DNAJB6: variants seen among roughly 807,000 people sequenced by gnomAD.
DNAJB6 encodes dnaJ homolog subfamily B member 6.
In DNAJB6, 16 loss-of-function variants were observed where a neutral mutation model predicts 42.7. That is an observed-to-expected ratio of 0.37 (90% confidence interval 0.25 to 0.57). DNAJB6 has a LOEUF of 0.57. DNAJB6 is among the 20% of genes least tolerant of loss of function. The pLI, the probability that DNAJB6 is intolerant of heterozygous loss-of-function variation, is 0.74. For missense variants in DNAJB6, 347 were observed against 416.8 expected (o/e 0.83, Z 1.46); for synonymous variants, 170 against 163.5 (o/e 1.04, Z -0.30).
chr7:157,347,334 A>G (rs1798738981), intron 1 of DNAJB6, among the ~76,000 whole-genome samples: 1 of 152,196 alleles, frequency 6.6e-6, no homozygotes, highest in Non-Finnish European at 1.5e-5. Flanking sequence ...GCATAGTGCC[A>G]CGATACAGGC....
At chr7:157,365,661 G>GA (rs869111392) in intron 3 of DNAJB6, among the ~76,000 whole-genome samples, 8 of 152,124 alleles carry the variant, frequency 5.3e-5, no homozygotes, top group Non-Finnish European at 1.0e-4. Context: ...ATGGAATAAA[G>GA]AAAAAAATTT....
chr7:157,408,622 C>G (rs1006592246), intron 8 of DNAJB6, among the ~76,000 whole-genome samples: 1 of 152,218 alleles, frequency 6.6e-6, no homozygotes, highest in East Asian at 1.9e-4. Flanking sequence ...TTCCTGACCT[C>G]GGAGCCCGTT....
chr7:157,396,204 CT>C (rs537614388), intron 8 of DNAJB6, among the ~76,000 whole-genome samples: 139 of 152,290 alleles, frequency 9.1e-4, no homozygotes, highest in African/African-American at 3.2e-3. Flanking sequence ...CCGCTTCAGC[CT>C]CCCAAAGTGC....
At position 157,385,567 on chromosome 7, in the gene DNAJB6, T is replaced by C; in HGVS notation, c.647T>C (p.Val216Ala). 1 of 1,613,560 alleles carries C rather than the reference T, an allele frequency of 6.2e-7. No homozygotes were observed. Among genetic ancestry groups the C allele is most frequent in the Non-Finnish European group, 8.5e-7 (1 of 1,179,792 alleles). ...KRIVENGQERVEVEEDGQLKS... is the reference protein window; with the variant it reads ...KRIVENGQERAEVEEDGQLKS... ...ATTGTCGAGAACGGTCAAGAAAGAG[T>C]AGAAGTTGAAGAAGATGGCCAGTTA... Residue 216 changes from valine to alanine, a missense_variant, in exon 8 of 10, where the codon GTA becomes GCA. Physicochemically the swap from Val to Ala is moderately conservative, Grantham distance 64. Transcript: ENST00000262177.
At chr7:157,409,164 A>G (rs1029623575) in intron 8 of DNAJB6, among the ~76,000 whole-genome samples, 1 of 152,096 alleles carries the variant, frequency 6.6e-6, no homozygotes, top group African/African-American at 2.4e-5. Context: ...TGGCCTTCCA[A>G]TGACTTTTTC....
chr7:157,362,408 C>G (rs1201541359), intron 2 of DNAJB6, among the ~76,000 whole-genome samples: 3 of 152,092 alleles, frequency 2.0e-5, no homozygotes, highest in Non-Finnish European at 4.4e-5. Flanking sequence ...GAGTTTCGCT[C>G]TTGTTGCCCA....
chr7:157,341,424 A>G (rs1347581737), intron 1 of DNAJB6, among the ~76,000 whole-genome samples: 3 of 152,272 alleles, frequency 2.0e-5, no homozygotes, highest in South Asian at 2.1e-4. Flanking sequence ...GCGCCAGGCC[A>G]TATTTTAGAA....
chr7:157,345,441 C>T (rs1031616896), intron 1 of DNAJB6, among the ~76,000 whole-genome samples: 1 of 152,042 alleles, frequency 6.6e-6, no homozygotes, highest in Non-Finnish European at 1.5e-5. Flanking sequence ...CAGCCTCCTG[C>T]ATAGCTGGGA....
intron 6 of DNAJB6, among the ~76,000 whole-genome samples, chr7:157,383,647 G>A (rs1800904825): frequency 6.6e-6 from 1 of 151,054 alleles, no homozygotes; most frequent in African/African-American, 2.4e-5. Flanking sequence ...GTGTGTGGTG[G>A]GGGTGTAAGC....
chr7:157,337,468 C>T (rs1798103003), intron 1 of DNAJB6: 1 of 152,446 alleles, frequency 6.6e-6, no homozygotes. Flanking sequence ...GAGCGGCCGG[C>T]TGGGGCTCGG....
intron 1 of DNAJB6, among the ~76,000 whole-genome samples, chr7:157,342,016 G>A (rs538525198): frequency 2.0e-5 from 3 of 151,756 alleles, no homozygotes; most frequent in Non-Finnish European, 4.4e-5. Context: ...ACAGGCGTTC[G>A]CCACTACACC....
chr7:157,375,838 GGGC>G (rs1278099243), intron 5 of DNAJB6, among the ~76,000 whole-genome samples: 5 of 152,186 alleles, frequency 3.3e-5, no homozygotes, highest in Non-Finnish European at 5.9e-5. Context: ...TCCCTTTTGA[GGGC>G]GGCTGTCTAG....
At chr7:157,353,467 C>T (rs1389534695) in intron 1 of DNAJB6, among the ~76,000 whole-genome samples, 1 of 152,080 alleles carries the variant, frequency 6.6e-6, no homozygotes, top group African/African-American at 2.4e-5. Context: ...TCATATTCCA[C>T]CTGTTTTTCT....
At chr7:157,358,517 TC>T in intron 1 of DNAJB6, 29 bp from the exon 2 acceptor site, 1 of 1,473,798 alleles carries the variant, frequency 6.8e-7, no homozygotes. Flanking sequence ...CCCAGCAGCC[TC>T]ATCACTGACC....
At chr7:157,372,049 A>G (rs1800236178) in intron 5 of DNAJB6, 1 of 152,380 alleles carries the variant, frequency 6.6e-6, no homozygotes, top group East Asian at 1.9e-4. Flanking sequence ...CAAGGAAAGC[A>G]GACTTCTTGC....
chr7:157,376,437 T>C (rs949062468), intron 5 of DNAJB6, among the ~76,000 whole-genome samples: 1 of 152,156 alleles, frequency 6.6e-6, no homozygotes, highest in Non-Finnish European at 1.5e-5. Flanking sequence ...AATGTTGAAA[T>C]GGAAGAAGTG....
At chr7:157,402,410 C>T (rs1023548644) in intron 8 of DNAJB6, among the ~76,000 whole-genome samples, 3 of 152,238 alleles carry the variant, frequency 2.0e-5, no homozygotes, top group Non-Finnish European at 4.4e-5. Context: ...GCAGCGAGGC[C>T]CCCTCCCACC....
At chr7:157,409,031 C>G (rs541986898) in intron 8 of DNAJB6, among the ~76,000 whole-genome samples, 2 of 152,374 alleles carry the variant, frequency 1.3e-5, no homozygotes, top group African/African-American at 4.8e-5. Context: ...TCCCTCACAT[C>G]CACGCAGTGA....
intron 8 of DNAJB6, among the ~76,000 whole-genome samples, chr7:157,406,733 A>G (rs913346477): frequency 1.3e-5 from 2 of 152,232 alleles, no homozygotes; most frequent in Non-Finnish European, 2.9e-5. Context: ...CGCAACATCC[A>G]TGCCTGCCTG....
Sources: allele counts gnomAD v4.1 joint callset (sites outside exome capture counted in the v4.1 genomes callset), GRCh38; gene constraint gnomAD v4.1.1; transcripts MANE v1.5; gene names NCBI Gene and HGNC (gene_info 2026-07-23, HGNC 2026-07-21).